ANAPC1: variants seen among roughly 807,000 people sequenced by gnomAD.
The protein encoded by ANAPC1 is anaphase promoting complex subunit 1, also known as anaphase-promoting complex subunit 1.
ANAPC1 carries 36 observed loss-of-function variants against 208.0 expected under a neutral mutation model. That is an observed-to-expected ratio of 0.17 (90% CI 0.13 to 0.23). The LOEUF (loss-of-function observed/expected upper bound fraction) is 0.23, where lower values mean the gene tolerates loss of function less well. Among genes scored for constraint, ANAPC1 ranks in the 10% least tolerant of loss-of-function variants. The probability of loss-of-function intolerance (pLI) is 1.00; values close to 1 mark genes in which losing one functional copy is unlikely to be tolerated. For missense variants in ANAPC1, 942 were observed against 2,011.6 expected, an observed-to-expected ratio of 0.47 and a Z score of 10.17; for synonymous variants, 378 against 695.2, an observed-to-expected ratio of 0.54 and a Z score of 7.18.
chr2:111,797,966 C>T (rs1678245166), intron 34 of ANAPC1, among the ~76,000 whole-genome samples: 1 of 125,796 alleles, frequency 7.9e-6, no homozygotes, highest in Non-Finnish European at 1.7e-5. Context: ...GCTCTGAAAG[C>T]AGGTCTATCT....
chr2:111,802,951 T>C (rs1266382300), intron 32 of ANAPC1: 1 of 203,072 alleles, frequency 4.9e-6, no homozygotes, highest in East Asian at 1.4e-4. Context: ...TCATGCAAAG[T>C]GTAAGCATAA....
chr2:111,880,912 A>T, intron 1 of ANAPC1, 63 bp from the exon 2 acceptor site: 1 of 1,362,374 alleles, frequency 7.3e-7, no homozygotes, highest in South Asian at 1.3e-5. Flanking sequence ...AAAATACCAT[A>T]AACACACAAG....
chr2:111,881,330 T>G (rs187478241), intron 1 of ANAPC1, among the ~76,000 whole-genome samples: 2 of 152,126 alleles, frequency 1.3e-5, no homozygotes, highest in Non-Finnish European at 2.9e-5. Context: ...TCATCAGAGG[T>G]TGAACTGCTT....
chr2:111,843,294 A>G, intron 17 of ANAPC1, 118 bp downstream of exon 17: 1 of 952,576 alleles, frequency 1.0e-6, no homozygotes, highest in South Asian at 1.6e-5. Context: ...AAACCTTAAT[A>G]TTATTCTATT....
chr2:111,799,571 GAA>G (rs1678340160), intron 34 of ANAPC1, among the ~76,000 whole-genome samples: 2 of 144,080 alleles, frequency 1.4e-5, no homozygotes, highest in African/African-American at 5.1e-5. Context: ...AATGCTCATT[GAA>G]GTATTTCAGA....
At chr2:111,785,717 T>C (rs1677511565) in intron 39 of ANAPC1, among the ~76,000 whole-genome samples, 1 of 151,920 alleles carries the variant, frequency 6.6e-6, no homozygotes, top group Non-Finnish European at 1.5e-5. Flanking sequence ...AGTGAAGAGG[T>C]TTTACAGGGA....
chr2:111,841,677 G>C (rs11884855), intron 17 of ANAPC1, among the ~76,000 whole-genome samples: 8,112 of 152,206 alleles, frequency 0.053, 690 homozygotes, highest in African/African-American at 0.18. Flanking sequence ...TTTACTCTGA[G>C]TGACATGGGA....
chr2:111,849,416 AGGAAAAAAAATTC>A (rs1224028402), intron 14 of ANAPC1, among the ~76,000 whole-genome samples: 1 of 152,202 alleles, frequency 6.6e-6, no homozygotes, highest in Non-Finnish European at 1.5e-5. Context: ...GCTGGTTTGA[AGGAAAAAAAATTC>A]AATGTGGCAC....
chr2:111,868,249 T>C (rs1190135404), intron 6 of ANAPC1, among the ~76,000 whole-genome samples, 153 bp from the exon 7 acceptor site: 1 of 152,232 alleles, frequency 6.6e-6, no homozygotes, highest in Non-Finnish European at 1.5e-5. Flanking sequence ...CATACTATTT[T>C]TCACATTGTC....
At chr2:111,857,589 G>C (rs920669783) in intron 11 of ANAPC1, among the ~76,000 whole-genome samples, 1 of 152,132 alleles carries the variant, frequency 6.6e-6, no homozygotes, top group Non-Finnish European at 1.5e-5. Flanking sequence ...TTTGCTGGTG[G>C]GAATATAAAA....
Position 111,833,229 on chromosome 2 carries a change from T to C in ANAPC1, c.2467A>G (p.Ile823Val), listed in dbSNP as rs1209004934. 6.3e-6 allele frequency: 10 copies of C among 1,593,454 alleles called. No homozygotes were observed. Among genetic ancestry groups the C allele is most frequent in the Admixed American group, 5.0e-5 (3 of 59,504 alleles). ...LVRTTGQVCT[I>V]DPGQTGFMHH... ...AAGCACGACTACTTACCTGGATCAATTGTGCACACTTGTCCAGTAGTTCTG... is the reference window on the plus strand; with the variant it reads ...AAGCACGACTACTTACCTGGATCAACTGTGCACACTTGTCCAGTAGTTCTG... Residue 823 changes from isoleucine to valine, a missense_variant, in exon 20 of 48, where the codon ATT (isoleucine) becomes GTT (valine). Transcript: ENST00000341068.
intron 13 of ANAPC1, among the ~76,000 whole-genome samples, chr2:111,851,138 T>A (rs1375096865): frequency 6.6e-6 from 1 of 152,068 alleles, no homozygotes; most frequent in African/African-American, 2.4e-5. Flanking sequence ...GATCTCACTC[T>A]TTTCCCGTGG....
chr2:111,798,292 T>C (rs1167411782), intron 34 of ANAPC1, among the ~76,000 whole-genome samples: 2 of 152,170 alleles, frequency 1.3e-5, no homozygotes. Context: ...AAACAAAATG[T>C]ATATACCTGT....
At chr2:111,771,849 T>C (rs184048688) in intron 47 of ANAPC1, among the ~76,000 whole-genome samples, 7,133 of 152,014 alleles carry the variant, frequency 0.047, 318 homozygotes, top group African/African-American at 0.13. Flanking sequence ...TTCAGCTTAA[T>C]GGATAAATTT....
intron 14 of ANAPC1, among the ~76,000 whole-genome samples, chr2:111,849,355 C>CA (rs201936305): frequency 0.022 from 3,297 of 152,182 alleles, 108 homozygotes; most frequent in African/African-American, 0.074. Flanking sequence ...CCAAATCACA[C>CA]AGAACACTCT....
intron 22 of ANAPC1, 142 bp downstream of exon 22, chr2:111,825,635 A>C (rs1279941870): frequency 1.2e-5 from 9 of 759,276 alleles, no homozygotes; most frequent in Non-Finnish European, 1.7e-5. Context: ...AGTTGTGGAC[A>C]AAAGACCGCA....
chr2:111,832,805 C>T (rs981030746), intron 20 of ANAPC1, among the ~76,000 whole-genome samples: 8 of 151,776 alleles, frequency 5.3e-5, no homozygotes, highest in African/African-American at 1.9e-4. Context: ...TGGTGGGCAC[C>T]TGTAGTCCCA....
chr2:111,769,894 G>A (rs1167641221), intron 47 of ANAPC1, among the ~76,000 whole-genome samples: 1 of 151,200 alleles, frequency 6.6e-6, no homozygotes, highest in East Asian at 1.9e-4. Flanking sequence ...GTGTTAGCCA[G>A]GATGGTCTCG....
At chr2:111,826,976 T>A (rs1573405262) in intron 21 of ANAPC1, among the ~76,000 whole-genome samples, 2 of 152,248 alleles carry the variant, frequency 1.3e-5, no homozygotes, top group Middle Eastern at 3.4e-3. Flanking sequence ...TACATGCGGG[T>A]CTTTATGTAG....
Sources: gnomAD v4.1 joint callset for allele counts (sites outside exome capture counted in the v4.1 genomes callset) on GRCh38, gnomAD v4.1.1 for gene constraint, MANE v1.5 for transcripts, NCBI Gene and HGNC (gene_info 2026-07-23, HGNC 2026-07-21) for gene names.